ERC2: variants seen among roughly 807,000 people sequenced by gnomAD.
ERC2 encodes ERC protein 2.
A neutral mutation model predicts 114.8 loss-of-function variants in ERC2; 42 were observed. The observed-to-expected ratio is 0.37, with a 90% confidence interval of 0.29 to 0.47. The LOEUF (loss-of-function observed/expected upper bound fraction) is 0.47, where lower values mean the gene tolerates loss of function less well. Among genes scored for constraint, ERC2 ranks in the 20% least tolerant of loss-of-function variants. ERC2 has a pLI of 0.99. For missense variants in ERC2, 939 were observed against 1,150.7 expected, an observed-to-expected ratio of 0.82 and a Z score of 2.66; for synonymous variants, 454 against 425.5, an observed-to-expected ratio of 1.07 and a Z score of -0.82.
intron 2 of ERC2, among the ~76,000 whole-genome samples, chr3:56,316,244 C>A (rs891245691): frequency 1.3e-5 from 2 of 152,044 alleles, no homozygotes; most frequent in African/African-American, 4.8e-5. Context: ...CATTTTATTT[C>A]TTTATTTCAG....
chr3:56,459,029 C>G (rs1426621883), intron 1 of ERC2, among the ~76,000 whole-genome samples: 5 of 152,128 alleles, frequency 3.3e-5, no homozygotes, highest in Non-Finnish European at 7.3e-5. Context: ...AGAAAATAAC[C>G]AGTGATCATG....
intron 2 of ERC2, among the ~76,000 whole-genome samples, chr3:56,349,635 C>T (rs2058474112): frequency 1.3e-5 from 2 of 152,096 alleles, no homozygotes; most frequent in African/African-American, 4.8e-5. Flanking sequence ...GGGCCAGGCG[C>T]GTGGCTCACG....
chr3:56,177,862 C>G (rs2083064414), intron 3 of ERC2, among the ~76,000 whole-genome samples: 2 of 152,114 alleles, frequency 1.3e-5, no homozygotes, highest in South Asian at 2.1e-4. Flanking sequence ...AAATGAGGAC[C>G]TCTAGCTGGT....
At chr3:56,206,521 A>C (rs933955728) in intron 3 of ERC2, among the ~76,000 whole-genome samples, 38 of 152,206 alleles carry the variant, frequency 2.5e-4, no homozygotes, top group African/African-American at 8.9e-4. Flanking sequence ...TGCATTGATA[A>C]CTATGCTTAT....
intron 14 of ERC2, among the ~76,000 whole-genome samples, chr3:55,854,084 G>A (rs1315318040): frequency 6.6e-6 from 1 of 152,126 alleles, no homozygotes; most frequent in Non-Finnish European, 1.5e-5. Flanking sequence ...AAACCAGTCT[G>A]GCCAATATGG....
Position 55,794,834 on chromosome 3 carries a change from A to G in ERC2, c.2565-59916T>C, listed in dbSNP as rs112889960. ...AACTCACAGTTATCATGAGGTCCTT[A>G]AAGTTGGTTCTGATGGTTTGGCTGA... On this transcript the variant is annotated intron_variant, in intron 14 of 17. Coordinates refer to ENST00000288221, the MANE Select transcript of ERC2 (RefSeq NM_015576.3). Among the ~76,000 whole-genome samples, 427 of 152,288 alleles carry G rather than the reference A, an allele frequency of 2.8e-3. 1 individual carries two copies. Among genetic ancestry groups the G allele is most frequent in the African/African-American group, 9.8e-3 (406 of 41,558 alleles).
At chr3:55,847,720 T>A (rs1022444750) in intron 14 of ERC2, among the ~76,000 whole-genome samples, 2 of 147,868 alleles carry the variant, frequency 1.4e-5, no homozygotes, top group Non-Finnish European at 3.0e-5. Context: ...TTTCAATTAT[T>A]AAAATGTTAA....
intron 2 of ERC2, among the ~76,000 whole-genome samples, chr3:56,316,579 G>A (rs1252795716): frequency 6.6e-6 from 1 of 152,100 alleles, no homozygotes; most frequent in East Asian, 1.9e-4. Flanking sequence ...AGATGATACA[G>A]TTGTAGTGAT....
At chr3:55,630,301 C>A (rs1297019823) in intron 17 of ERC2, among the ~76,000 whole-genome samples, 2 of 152,140 alleles carry the variant, frequency 1.3e-5, no homozygotes, top group African/African-American at 4.8e-5. Flanking sequence ...GCCTGAGTAG[C>A]TGGAATTACA....
At chr3:55,543,693 A>C (rs1484941707) in intron 17 of ERC2, among the ~76,000 whole-genome samples, 1 of 152,230 alleles carries the variant, frequency 6.6e-6, no homozygotes, top group Admixed American at 6.5e-5. Flanking sequence ...GGATTCACCC[A>C]GTCCATAGGA....
chr3:55,745,657 T>C (rs1352986914), intron 14 of ERC2, among the ~76,000 whole-genome samples: 1 of 152,220 alleles, frequency 6.6e-6, no homozygotes, highest in Non-Finnish European at 1.5e-5. Context: ...AGATGAGTGA[T>C]AATGAGAAAA....
Position 56,144,225 on chromosome 3 carries a change from T to C in ERC2, c.1306-4549A>G, listed in dbSNP as rs142031283. On this transcript the variant is annotated intron_variant, in intron 5 of 17. Coordinates refer to ENST00000288221, the MANE Select transcript of ERC2 (RefSeq NM_015576.3). ...TCTTTATAATTTAATGAATCATGAG[T>C]GTGTGGTCATTTTTATGTGGAACAA... Among the ~76,000 whole-genome samples, 274 of 152,286 alleles carry C rather than the reference T, an allele frequency of 1.8e-3. 4 individuals are homozygous for C. The highest frequency in any genetic ancestry group is 6.4e-3 in the African/African-American group (267 of 41,566).
At chr3:55,521,243 C>G (rs1330710513) in intron 17 of ERC2, among the ~76,000 whole-genome samples, 1 of 152,184 alleles carries the variant, frequency 6.6e-6, no homozygotes, top group Non-Finnish European at 1.5e-5. Flanking sequence ...GCGAGACCTC[C>G]CTTTCCCTCT....
chr3:56,155,692 G>A (rs367584541), intron 4 of ERC2, among the ~76,000 whole-genome samples: 13 of 152,254 alleles, frequency 8.5e-5, no homozygotes, highest in South Asian at 6.2e-4. Context: ...GGAGCCTAAC[G>A]TGGGGTTTGG....
chr3:56,286,559 AT>A (rs1291452867), intron 3 of ERC2, among the ~76,000 whole-genome samples: 2 of 152,018 alleles, frequency 1.3e-5, no homozygotes, highest in Non-Finnish European at 2.9e-5. Flanking sequence ...AAATGTCTTG[AT>A]TCAAAAAACT....
At chr3:56,043,552 C>T (rs1042554276) in intron 7 of ERC2, among the ~76,000 whole-genome samples, 1 of 151,908 alleles carries the variant, frequency 6.6e-6, no homozygotes, top group Non-Finnish European at 1.5e-5. Flanking sequence ...AAAAAGGAAG[C>T]AATAGGACAA....
intron 14 of ERC2, among the ~76,000 whole-genome samples, chr3:55,787,482 T>C (rs915935440): frequency 1.3e-5 from 2 of 152,208 alleles, no homozygotes; most frequent in African/African-American, 4.8e-5. Context: ...AATATGTTGG[T>C]TAAGCCCAGT....
intron 7 of ERC2, among the ~76,000 whole-genome samples, chr3:56,037,525 C>G (rs751864519): frequency 6.6e-6 from 1 of 152,078 alleles, no homozygotes; most frequent in East Asian, 1.9e-4. Flanking sequence ...AAGGAAGGAA[C>G]AAAAGCTCTG....
At chr3:55,765,537 G>C (rs1224199986) in intron 14 of ERC2, among the ~76,000 whole-genome samples, 2 of 152,186 alleles carry the variant, frequency 1.3e-5, no homozygotes, top group South Asian at 2.1e-4. Context: ...ATGGCTTTCT[G>C]CCCTAATGAC....
Sources: gnomAD v4.1 joint callset for allele counts (sites outside exome capture counted in the v4.1 genomes callset) on GRCh38, gnomAD v4.1.1 for gene constraint, MANE v1.5 for transcripts, NCBI Gene and HGNC (gene_info 2026-07-23, HGNC 2026-07-21) for gene names.